The following LRP12 variants were observed in gnomAD, a reference collection of about 807,000 sequenced individuals.
LRP12 encodes the protein LDL receptor related protein 12, also known as low-density lipoprotein receptor-related protein 12.
A neutral mutation model predicts 66.0 loss-of-function variants in LRP12; 14 were observed. The ratio of observed to expected loss-of-function variants is 0.21; its 90% confidence interval spans 0.14 to 0.33. The LOEUF (loss-of-function observed/expected upper bound fraction) is 0.33. LRP12 is among the 10% of genes least tolerant of loss of function. The pLI, the probability that LRP12 is intolerant of heterozygous loss-of-function variation, is 1.00. For missense variants in LRP12, 889 were observed against 1,053.4 expected (o/e 0.84, Z 2.16); for synonymous variants, 357 against 359.1 (o/e 0.99, Z 0.07).
intron 2 of LRP12, among the ~76,000 whole-genome samples, chr8:104,519,783 C>T (rs938457255): frequency 1.3e-5 from 2 of 152,018 alleles, no homozygotes; most frequent in Non-Finnish European, 2.9e-5. Flanking sequence ...AGTAGGAAAT[C>T]TTATATCCAG....
chr8:104,524,241 CAA>C (rs57379814), intron 2 of LRP12, among the ~76,000 whole-genome samples: 14,569 of 97,170 alleles, frequency 0.15, 633 homozygotes, highest in South Asian at 0.19. Flanking sequence ...GACCCTGTCT[CAA>C]AAAAAAAAAA....
intron 1 of LRP12, among the ~76,000 whole-genome samples, chr8:104,569,658 G>A (rs1158574849): frequency 6.6e-6 from 1 of 151,826 alleles, no homozygotes; most frequent in Non-Finnish European, 1.5e-5. Flanking sequence ...GAATACAAAA[G>A]AACATCCTCA....
At position 104,587,399 on chromosome 8, in the gene LRP12, A is replaced by T. The variant is rs372116186; in HGVS notation, c.79+1420T>A. Among the ~76,000 whole-genome samples the T allele has an allele frequency of 5.9e-5, 9 of 152,298 alleles. No homozygotes were observed. The East Asian group carries it at 1.4e-3, about 23-fold the overall frequency. On this transcript the variant is annotated intron_variant, in intron 1 of 6. Coordinates refer to ENST00000276654, the MANE Select transcript of LRP12 (RefSeq NM_013437.5). ...AAGTCATCAGGCAAGCAGGGATTAC[A>T]GCCACTTGATGCAGCTAACAATCAA... is the stretch of plus-strand genomic sequence containing the variant.
At chr8:104,565,603 T>TA (rs1329479099) in intron 1 of LRP12, among the ~76,000 whole-genome samples, 1 of 152,024 alleles carries the variant, frequency 6.6e-6, no homozygotes, top group East Asian at 1.9e-4. Context: ...CTCACGCCTG[T>TA]AATCCCAGCA....
chr8:104,547,653 A>ATTTTG (rs1811611100), intron 1 of LRP12, among the ~76,000 whole-genome samples: 6 of 118,948 alleles, frequency 5.0e-5, no homozygotes, highest in Admixed American at 4.6e-4. Flanking sequence ...AATAATTAAA[A>ATTTTG]TATAATATAA....
At chr8:104,511,296 C>G (rs1301900700) in intron 2 of LRP12, among the ~76,000 whole-genome samples, 2 of 151,678 alleles carry the variant, frequency 1.3e-5, no homozygotes, top group African/African-American at 4.8e-5. Flanking sequence ...ACCACCTCAG[C>G]CTCCCGAAGT....
At chr8:104,582,380 T>TA (rs146844169) in intron 1 of LRP12, among the ~76,000 whole-genome samples, 4,950 of 147,380 alleles carry the variant, frequency 0.034, 260 homozygotes, top group African/African-American at 0.12. Context: ...AGCTACACAA[T>TA]AAAAAAAAAA....
rs1319304374 is a variant in LRP12, at chr8:104,548,223, GAT to G, written c.80-16262_80-16261del. ...ATATGATATATTTATATTAATATAT[GAT>G]ATATTTATATTAATATACGATATAT... On this transcript the variant is annotated intron_variant, in intron 1 of 6. Coordinates refer to ENST00000276654, the MANE Select transcript of LRP12 (RefSeq NM_013437.5). 5.5e-4 allele frequency among the ~76,000 whole-genome samples: 48 copies of G among 87,998 alleles called. 6 individuals carry two copies. Among genetic ancestry groups the G allele is most frequent in the African/African-American group, 3.3e-3 (48 of 14,562 alleles). 57.7% of individuals were successfully genotyped at this position (87,998 alleles called of 152,430 possible).
At chr8:104,579,015 C>A (rs748670052) in intron 1 of LRP12, among the ~76,000 whole-genome samples, 10 of 151,980 alleles carry the variant, frequency 6.6e-5, no homozygotes, top group African/African-American at 1.9e-4. Flanking sequence ...CCCTGAAAAC[C>A]GACACAAGAC....
intron 1 of LRP12, among the ~76,000 whole-genome samples, chr8:104,535,365 T>C (rs1278431042): frequency 1.3e-5 from 2 of 151,998 alleles, no homozygotes; most frequent in Non-Finnish European, 2.9e-5. Context: ...ATCCCAGCTC[T>C]ACTATTTATA....
intron 1 of LRP12, among the ~76,000 whole-genome samples, chr8:104,567,485 A>T (rs1588507921): frequency 6.6e-6 from 1 of 152,292 alleles, no homozygotes; most frequent in South Asian, 2.1e-4. Flanking sequence ...TGGGAGATAC[A>T]ATTCAAGTGG....
At chr8:104,496,119 A>G (rs1257863521) in intron 5 of LRP12, 1 of 152,142 alleles carries the variant, frequency 6.6e-6, no homozygotes, top group Non-Finnish European at 1.5e-5. Context: ...GCCAGGTCCC[A>G]TTTATCCTGC....
intron 1 of LRP12, among the ~76,000 whole-genome samples, chr8:104,546,822 G>A (rs1051363752): frequency 6.7e-6 from 1 of 149,656 alleles, no homozygotes; most frequent in Non-Finnish European, 1.5e-5. Flanking sequence ...ACCTTCCCCT[G>A]TCATTCGGAG....
chr8:104,581,110 A>C (rs1812243181), intron 1 of LRP12, among the ~76,000 whole-genome samples: 1 of 152,236 alleles, frequency 6.6e-6, no homozygotes. Context: ...GTCATAAAAA[A>C]GAACAAGAAC....
chr8:104,578,773 A>G (rs1812203431), intron 1 of LRP12, among the ~76,000 whole-genome samples: 1 of 152,226 alleles, frequency 6.6e-6, no homozygotes, highest in Non-Finnish European at 1.5e-5. Context: ...TTGATTCAAC[A>G]TATGCAAATC....
Position 104,489,304 on chromosome 8 carries a change from C to T in LRP12, c.*1369G>A, listed in dbSNP as rs1026165179. On this transcript the variant is annotated 3_prime_UTR_variant, in exon 7 of 7. Coordinates refer to ENST00000276654, the MANE Select transcript of LRP12 (RefSeq NM_013437.5). ...TTGATACATATTAAAACATCTTAGT[C>T]AGTTCCTCCTGACAGCATTAACACA... is the stretch of plus-strand genomic sequence containing the variant. The T allele has an allele frequency of 1.2e-4, 18 of 152,386 alleles. No individual in the cohort carries two copies. Among genetic ancestry groups the T allele is most frequent in the African/African-American group, 4.1e-4 (17 of 41,404 alleles). 9.4% of individuals were successfully genotyped at this position (152,386 alleles called of 1,614,324 possible).
intron 1 of LRP12, among the ~76,000 whole-genome samples, chr8:104,543,149 T>C (rs1811504238): frequency 6.6e-6 from 1 of 152,086 alleles, no homozygotes; most frequent in African/African-American, 2.4e-5. Flanking sequence ...ACTCTTTTTA[T>C]TGCACTTTGC....
At chr8:104,574,710 A>C (rs1303063104) in intron 1 of LRP12, among the ~76,000 whole-genome samples, 1 of 152,204 alleles carries the variant, frequency 6.6e-6, no homozygotes, top group East Asian at 1.9e-4. Flanking sequence ...AGCATGAAAA[A>C]CATAATGTAG....
intron 1 of LRP12, among the ~76,000 whole-genome samples, chr8:104,535,655 T>C (rs1348265284): frequency 6.6e-6 from 1 of 152,014 alleles, no homozygotes; most frequent in Non-Finnish European, 1.5e-5. Flanking sequence ...ATTTTACAAA[T>C]GAGAAAACCA....
Sources: gnomAD v4.1 joint callset for allele counts (sites outside exome capture counted in the v4.1 genomes callset) on GRCh38, gnomAD v4.1.1 for gene constraint, MANE v1.5 for transcripts, NCBI Gene and HGNC (gene_info 2026-07-23, HGNC 2026-07-21) for gene names.